Variants in CTNNA3 observed in about 807,000 individuals in gnomAD.
CTNNA3 encodes the protein catenin alpha 3.
In CTNNA3, 76 loss-of-function variants were observed where a neutral mutation model predicts 95.7. That is an observed-to-expected ratio of 0.79 (90% CI 0.66 to 0.96). CTNNA3 has a LOEUF of 0.96. CTNNA3 is among the 40% of genes least tolerant of loss of function. The pLI is 0.00. For synonymous variants in CTNNA3, 431 were observed against 374.4 expected (o/e 1.15, Z -1.74); for missense variants, 1,191 against 1,089.8 (o/e 1.09, Z -1.31).
At chr10:66,365,157 T>G (rs2092702679) in intron 12 of CTNNA3, among the ~76,000 whole-genome samples, 1 of 152,038 alleles carries the variant, frequency 6.6e-6, no homozygotes, top group Non-Finnish European at 1.5e-5. Context: ...AATGATAGAT[T>G]GGATTAAGAA....
chr10:67,131,150 T>C (rs374600234), intron 7 of CTNNA3, among the ~76,000 whole-genome samples: 2 of 152,216 alleles, frequency 1.3e-5, no homozygotes, highest in East Asian at 3.9e-4. Flanking sequence ...TGCTCTCCCA[T>C]GTCTCCTCGT....
At chr10:67,005,687 T>TTTTTTTTTGTTTTTG (rs1554895949) in intron 7 of CTNNA3, among the ~76,000 whole-genome samples, 7 of 102,322 alleles carry the variant, frequency 6.8e-5, no homozygotes, top group African/African-American at 2.2e-4. Context: ...TCCATCTTTT[T>TTTTTTTTTGTTTTTG]TTTTTTTTTT....
intron 1 of CTNNA3, among the ~76,000 whole-genome samples, chr10:67,748,249 A>G (rs1841383827): frequency 6.6e-6 from 1 of 152,170 alleles, no homozygotes; most frequent in African/African-American, 2.4e-5. Context: ...CAGGAAATAC[A>G]GAGAACCCCA....
rs77397580 is a variant in CTNNA3, at chr10:67,324,701, C to CT, written c.580-104832dup. ...AAGGATATTAGTCTGAAATTTTCTC[C>CT]TTTTTTTTTTTTTGTCTTGCCAGAT... On this transcript the variant is annotated intron_variant, in intron 5 of 17. Coordinates refer to ENST00000433211, the MANE Select transcript of CTNNA3 (RefSeq NM_013266.4). Among the ~76,000 whole-genome samples the CT allele has an allele frequency of 4.4e-3, 628 of 141,948 alleles. 5 individuals are homozygous for CT. Among genetic ancestry groups the CT allele is most frequent in the South Asian group, 4.7e-3 (21 of 4,436 alleles). The allele number at this position is 141,948 out of a possible 152,430, so 93.1% of individuals were successfully genotyped here.
At chr10:67,397,828 C>T (rs550646145) in intron 5 of CTNNA3, among the ~76,000 whole-genome samples, 1 of 152,230 alleles carries the variant, frequency 6.6e-6, no homozygotes, top group African/African-American at 2.4e-5. Context: ...GGTCAAGGTA[C>T]AGCTCAGGCT....
intron 1 of CTNNA3, among the ~76,000 whole-genome samples, chr10:67,661,717 C>A (rs564887381): frequency 1.6e-3 from 232 of 146,072 alleles, no homozygotes; most frequent in African/African-American, 4.8e-3. Context: ...TTTAAATGGG[C>A]AAAAAAAAAA....
intron 12 of CTNNA3, among the ~76,000 whole-genome samples, chr10:66,316,552 C>T (rs1315072666): frequency 6.6e-6 from 1 of 152,020 alleles, no homozygotes; most frequent in African/African-American, 2.4e-5. Flanking sequence ...TAAACACACA[C>T]CCACACTCAC....
chr10:66,692,352 A>G (rs1847580203), intron 9 of CTNNA3, among the ~76,000 whole-genome samples: 1 of 152,326 alleles, frequency 6.6e-6, no homozygotes, highest in Middle Eastern at 3.4e-3. Context: ...AACTGGAAGA[A>G]AGGGTATCAG....
At chr10:66,382,235 C>T (rs1002174501) in intron 11 of CTNNA3, among the ~76,000 whole-genome samples, 22 of 152,300 alleles carry the variant, frequency 1.4e-4, no homozygotes, top group Admixed American at 3.9e-4. Flanking sequence ...CCAAATACTG[C>T]GCTTTTCCCA....
chr10:67,424,855 A>G (rs1432737412), intron 5 of CTNNA3, among the ~76,000 whole-genome samples: 1 of 152,110 alleles, frequency 6.6e-6, no homozygotes, highest in African/African-American at 2.4e-5. Flanking sequence ...TTGGTGCTCA[A>G]TCAATGTTTG....
At chr10:67,096,591 T>C (rs563938210) in intron 7 of CTNNA3, among the ~76,000 whole-genome samples, 20 of 152,044 alleles carry the variant, frequency 1.3e-4, no homozygotes, top group Admixed American at 9.8e-4. Flanking sequence ...TCCTGAAATC[T>C]GCCTACTTTT....
At chr10:67,408,270 C>A (rs1410109448) in intron 5 of CTNNA3, among the ~76,000 whole-genome samples, 2 of 151,706 alleles carry the variant, frequency 1.3e-5, no homozygotes, top group Non-Finnish European at 3.0e-5. Flanking sequence ...CAAAATAGAA[C>A]TCGTATAGCC....
chr10:66,885,843 T>C (rs1845022633), intron 7 of CTNNA3, among the ~76,000 whole-genome samples: 1 of 152,182 alleles, frequency 6.6e-6, no homozygotes, highest in South Asian at 2.1e-4. Context: ...GTTAATGCTA[T>C]AAAAGGCCTT....
intron 17 of CTNNA3, among the ~76,000 whole-genome samples, chr10:65,939,885 A>G (rs1176457968): frequency 6.6e-6 from 1 of 152,150 alleles, no homozygotes; most frequent in East Asian, 1.9e-4. Context: ...TGAACACCAA[A>G]ACTTTTATTC....
At chr10:66,099,399 G>T (rs1381974689) in intron 14 of CTNNA3, among the ~76,000 whole-genome samples, 1 of 152,146 alleles carries the variant, frequency 6.6e-6, no homozygotes, top group Non-Finnish European at 1.5e-5. Context: ...AGATGGATAA[G>T]AGATTGAAGA....
At chr10:66,388,407 T>C (rs2132521096) in intron 11 of CTNNA3, among the ~76,000 whole-genome samples, 1 of 152,264 alleles carries the variant, frequency 6.6e-6, no homozygotes, top group Non-Finnish European at 1.5e-5. Flanking sequence ...ATACAAAGAA[T>C]ATTCACTAAC....
chr10:66,876,287 C>A (rs1391265900), intron 7 of CTNNA3, among the ~76,000 whole-genome samples: 3 of 151,990 alleles, frequency 2.0e-5, no homozygotes, highest in Non-Finnish European at 4.4e-5. Flanking sequence ...TTAGGATAAA[C>A]AACGAAACAG....
chr10:67,034,155 C>G (rs1853900996), intron 7 of CTNNA3, among the ~76,000 whole-genome samples: 1 of 152,164 alleles, frequency 6.6e-6, no homozygotes, highest in Non-Finnish European at 1.5e-5. Context: ...CTAACTAGTG[C>G]CAATGGACTA....
intron 7 of CTNNA3, among the ~76,000 whole-genome samples, chr10:67,124,248 C>G (rs193267729): frequency 1.3e-5 from 2 of 151,916 alleles, no homozygotes; most frequent in African/African-American, 4.8e-5. Flanking sequence ...ATAGCTGTTA[C>G]TTATACTTAA....
Sources: gnomAD v4.1 joint callset for allele counts (sites outside exome capture counted in the v4.1 genomes callset) on GRCh38, gnomAD v4.1.1 for gene constraint, MANE v1.5 for transcripts, NCBI Gene and HGNC (gene_info 2026-07-23, HGNC 2026-07-21) for gene names.